The following KLHL29 variants were observed in gnomAD, a reference collection of about 807,000 sequenced individuals.
KLHL29 encodes kelch like family member 29.
KLHL29 carries 21 observed loss-of-function variants against 80.4 expected under a neutral mutation model. The ratio of observed to expected loss-of-function variants is 0.26; its 90% CI spans 0.19 to 0.38. The LOEUF (loss-of-function observed/expected upper bound fraction) is 0.38. Among genes scored for constraint, KLHL29 ranks in the 10% least tolerant of loss-of-function variants. The pLI is 1.00. For synonymous variants in KLHL29, 511 were observed against 526.8 expected, an observed-to-expected ratio of 0.97 and a Z score of 0.41; for missense variants, 867 against 1,223.9, an observed-to-expected ratio of 0.71 and a Z score of 4.35.
chr2:23,457,311 G>A lies in KLHL29; in HGVS notation c.-153-18249G>A, dbSNP rs1382713023. On this transcript the variant is annotated intron_variant, in intron 1 of 13. Transcript: ENST00000486442. The surrounding 1 kb of genome is among the most constrained non-coding windows in gnomAD (Gnocchi z 4.3). ...GTCTTTGGAGTCTGGAATGACTAAG[G>A]CAGGCCTTTCCTGTGAGAAGTGGTG... 6.6e-6 allele frequency among the ~76,000 whole-genome samples: 1 copy of A among 152,228 alleles called. No homozygotes were observed. The highest frequency in any genetic ancestry group is 1.5e-5 in the Non-Finnish European group (1 of 68,032).
At chr2:23,532,701 G>T (rs1052584116) in intron 2 of KLHL29, 1 of 455,362 alleles carries the variant, frequency 2.2e-6, no homozygotes, top group Non-Finnish European at 4.4e-6. Context: ...CAGCATGGGG[G>T]TGGGTGTCAG....
chr2:23,646,676 C>T (rs1465486674), intron 5 of KLHL29, among the ~76,000 whole-genome samples: 1 of 152,190 alleles, frequency 6.6e-6, no homozygotes, highest in Non-Finnish European at 1.5e-5. Context: ...TCTCCAGCTC[C>T]TCCCTTCCTA....
chr2:23,503,606 G>C lies in KLHL29; in HGVS notation c.-46+27939G>C, dbSNP rs1350945637. Among the ~76,000 whole-genome samples, 1 of 149,542 alleles carries C rather than the reference G, an allele frequency of 6.7e-6. No homozygotes were observed. ...AGACTGCTGCAGCCTCGCTCATCCAGAACAGAGGCACCATGGCCAGGAGGC... is the reference window on the plus strand; with the variant it reads ...AGACTGCTGCAGCCTCGCTCATCCACAACAGAGGCACCATGGCCAGGAGGC... On this transcript the variant is annotated intron_variant, in intron 2 of 13. Transcript: ENST00000486442. The surrounding 1 kb of genome is among the most constrained non-coding windows in gnomAD (Gnocchi z 4.0).
intron 2 of KLHL29, among the ~76,000 whole-genome samples, chr2:23,545,503 G>A (rs1201079603): frequency 6.6e-6 from 1 of 152,152 alleles, no homozygotes; most frequent in Non-Finnish European, 1.5e-5. Context: ...CGTCCTCGGG[G>A]TGGGGTGTCC....
chr2:23,429,448 C>T (rs1663107459), intron 1 of KLHL29, among the ~76,000 whole-genome samples: 1 of 152,182 alleles, frequency 6.6e-6, no homozygotes, highest in Admixed American at 6.5e-5. Context: ...AACATAATTG[C>T]CTCATCAAAA....
intron 1 of KLHL29, among the ~76,000 whole-genome samples, chr2:23,439,485 T>C (rs10200227): frequency 0.43 from 61,481 of 144,240 alleles, 13,485 homozygotes; most frequent in African/African-American, 0.58. Context: ...GCTTTGAATG[T>C]GTCCCAGAGA....
chr2:23,661,340 TA>T (rs11483622), intron 5 of KLHL29, among the ~76,000 whole-genome samples: 40 of 134,868 alleles, frequency 3.0e-4, no homozygotes, highest in African/African-American at 3.1e-4. Flanking sequence ...AGACCCTGTC[TA>T]AAAAAAAAAA....
intron 5 of KLHL29, among the ~76,000 whole-genome samples, chr2:23,661,282 C>T: frequency 6.7e-6 from 1 of 148,168 alleles, no homozygotes; most frequent in African/African-American, 2.5e-5. Context: ...TTTGAGGTTA[C>T]AGTGAGCTAT....
At chr2:23,571,430 C>T (rs1240257315) in intron 3 of KLHL29, among the ~76,000 whole-genome samples, 2 of 152,204 alleles carry the variant, frequency 1.3e-5, no homozygotes, top group East Asian at 1.9e-4. Context: ...CCAGCAGAAC[C>T]CCCATTCTGT....
intron 2 of KLHL29, chr2:23,523,926 G>A (rs1358207574): frequency 4.3e-6 from 2 of 462,536 alleles, no homozygotes; most frequent in Admixed American, 4.8e-5. Context: ...AAAGAGGAAA[G>A]AGGGACCTTG....
chr2:23,678,909 G>A (rs1670996600), intron 5 of KLHL29, among the ~76,000 whole-genome samples: 1 of 152,166 alleles, frequency 6.6e-6, no homozygotes. Flanking sequence ...GATGAGTGGA[G>A]GGGAGGTGGG....
At chr2:23,654,695 T>TGGGGGGGGGGGGG (rs769363801) in intron 5 of KLHL29, among the ~76,000 whole-genome samples, 1 of 34,254 alleles carries the variant, frequency 2.9e-5, no homozygotes, top group Admixed American at 4.2e-4. Context: ...GGAACAGAGG[T>TGGGGGGGGGGGGG]TGGGGGGGGG....
rs1218242995 is a variant in KLHL29 at position 23,696,805 on chromosome 2, A to G, written c.2105+292A>G. Reference sequence around the variant, plus strand: ...CAGACAAGCTGGAGGCCCAAGATCCAGTTGCAGAAGGCCTGGGATGAGCCA... The same window carrying G: ...CAGACAAGCTGGAGGCCCAAGATCCGGTTGCAGAAGGCCTGGGATGAGCCA... On this transcript the variant is annotated intron_variant, in intron 11 of 13. Coordinates refer to ENST00000486442, the MANE Select transcript of KLHL29 (RefSeq NM_052920.2). The surrounding 1 kb of genome is among the most constrained non-coding windows in gnomAD (Gnocchi z 5.5). 6.1e-6 allele frequency: 2 copies of G among 329,810 alleles called. No homozygotes were observed. The highest frequency in any genetic ancestry group is 1.1e-5 in the Non-Finnish European group (2 of 180,838). The allele number at this position is 329,810 out of a possible 1,614,324, so 20.4% of individuals were successfully genotyped here. A position where few individuals can be genotyped will look rare whatever the true frequency, so the allele number is the denominator to read the frequency against.
chr2:23,644,979 C>T lies in KLHL29; in HGVS notation c.940+2129C>T, dbSNP rs75372266. Among the ~76,000 whole-genome samples the T allele has an allele frequency of 2.6e-3, 399 of 152,334 alleles. 3 individuals are homozygous for T. Among genetic ancestry groups the T allele is most frequent in the African/African-American group, 9.0e-3 (376 of 41,574 alleles). On this transcript the variant is annotated intron_variant, in intron 5 of 13. Transcript: ENST00000486442. ...TCCAGAGGTTGCCAGCACACTGGCT[C>T]TTTCCTCGAAATTCCATGTAACTCG...
chr2:23,478,951 C>G (rs1312392293), intron 2 of KLHL29, among the ~76,000 whole-genome samples: 1 of 151,896 alleles, frequency 6.6e-6, no homozygotes, highest in Non-Finnish European at 1.5e-5. Context: ...CAGGCGTCCT[C>G]TCTGACCGCA....
chr2:23,632,230 T>C (rs1395591022), intron 3 of KLHL29, among the ~76,000 whole-genome samples: 2 of 152,240 alleles, frequency 1.3e-5, no homozygotes, highest in African/African-American at 4.8e-5. Context: ...AGCCTAGCTA[T>C]AAACCTATGA....
chr2:23,704,353 G>A (rs1333898968), intron 13 of KLHL29, among the ~76,000 whole-genome samples: 3 of 152,244 alleles, frequency 2.0e-5, no homozygotes, highest in Non-Finnish European at 4.4e-5. Context: ...CCTGCAGGCA[G>A]AGAAGGTAGA....
intron 1 of KLHL29, among the ~76,000 whole-genome samples, chr2:23,398,236 A>C (rs1666501290): frequency 6.6e-6 from 1 of 152,270 alleles, no homozygotes; most frequent in African/African-American, 2.4e-5. Flanking sequence ...ATGAATGAAT[A>C]AACAAAATAC....
At chr2:23,678,560 T>TA (rs989394385) in intron 5 of KLHL29, among the ~76,000 whole-genome samples, 2 of 152,164 alleles carry the variant, frequency 1.3e-5, no homozygotes, top group African/African-American at 4.8e-5. Flanking sequence ...AGGCCTGACC[T>TA]AGATCTGCTG....
Sources: allele counts gnomAD v4.1 joint callset (sites outside exome capture counted in the v4.1 genomes callset), GRCh38; gene constraint gnomAD v4.1.1; non-coding constraint Gnocchi (gnomAD v3.1); transcripts MANE v1.5; gene names NCBI Gene and HGNC (gene_info 2026-07-23, HGNC 2026-07-21).